Variants in NVL observed in about 807,000 individuals in gnomAD.
NVL encodes nuclear VCP like.
NVL carries 84 observed loss-of-function variants against 110.2 expected under a neutral mutation model. The observed-to-expected ratio is 0.76, with a 90% CI of 0.64 to 0.91. The LOEUF (loss-of-function observed/expected upper bound fraction) is 0.91, where lower values mean the gene tolerates loss of function less well. Ranked by LOEUF, NVL falls within the 40% of genes least tolerant of loss-of-function variation. The pLI, the probability that NVL is intolerant of heterozygous loss-of-function variation, is 0.00. For missense variants in NVL, 882 were observed against 1,035.9 expected (o/e 0.85, Z 2.04); for synonymous variants, 354 against 361.1 (o/e 0.98, Z 0.22).
intron 22 of NVL, chr1:224,227,945 A>G: frequency 5.3e-6 from 1 of 188,472 alleles, no homozygotes; most frequent in Non-Finnish European, 1.1e-5. Context: ...AGGCGCTGGG[A>G]GAAGACAGCC....
At chr1:224,242,533 C>G (rs1019957724) in intron 19 of NVL, among the ~76,000 whole-genome samples, 2 of 132,992 alleles carry the variant, frequency 1.5e-5, no homozygotes, top group Admixed American at 8.9e-5. Context: ...TATGCCCAGG[C>G]TGTGCAGTGG....
intron 1 of NVL, among the ~76,000 whole-genome samples, chr1:224,329,134 C>G (rs1293001447): frequency 6.6e-6 from 1 of 152,054 alleles, no homozygotes; most frequent in Non-Finnish European, 1.5e-5. Flanking sequence ...TCACTTGAGT[C>G]AGGGAGGCCG....
chr1:224,297,051 A>G (rs1401400251), intron 10 of NVL, among the ~76,000 whole-genome samples: 2 of 152,242 alleles, frequency 1.3e-5, no homozygotes, highest in African/African-American at 4.8e-5. Flanking sequence ...TACTAACGTA[A>G]GAATCTCCAA....
intron 18 of NVL, among the ~76,000 whole-genome samples, chr1:224,254,927 C>T (rs1348628564): frequency 7.2e-6 from 1 of 138,160 alleles, no homozygotes; most frequent in Non-Finnish European, 1.5e-5. Flanking sequence ...GGCTGGAGTA[C>T]AGTGGCATGA....
intron 18 of NVL, among the ~76,000 whole-genome samples, chr1:224,261,795 GT>G (rs111734612): frequency 8.4e-4 from 120 of 143,094 alleles, no homozygotes; most frequent in East Asian, 1.2e-3. Flanking sequence ...CTACAAAAAA[GT>G]TTTTTTTTTT....
intron 8 of NVL, among the ~76,000 whole-genome samples, chr1:224,304,095 T>C (rs1431265201): frequency 2.0e-5 from 3 of 152,150 alleles, no homozygotes; most frequent in East Asian, 3.8e-4. Context: ...CAAAGTTAAC[T>C]AGCATGGCAG....
intron 12 of NVL, among the ~76,000 whole-genome samples, chr1:224,292,712 C>T (rs1035269733): frequency 1.3e-5 from 2 of 152,114 alleles, no homozygotes; most frequent in African/African-American, 4.8e-5. Flanking sequence ...TGTTCCTGGA[C>T]CTCACCAGGA....
intron 17 of NVL, among the ~76,000 whole-genome samples, chr1:224,271,087 G>C (rs1030766271): frequency 6.6e-6 from 1 of 152,138 alleles, no homozygotes; most frequent in Admixed American, 6.5e-5. Flanking sequence ...CAATCTAAAT[G>C]TCCAAAACAG....
At chr1:224,238,185 C>CG (rs1660736490) in intron 19 of NVL, among the ~76,000 whole-genome samples, 1 of 11,638 alleles carries the variant, frequency 8.6e-5, no homozygotes, top group Non-Finnish European at 2.6e-4. Flanking sequence ...AGGCACCCAC[C>CG]ACACACCTGG....
intron 22 of NVL, 130 bp downstream of exon 22, chr1:224,231,096 G>T: frequency 1.6e-6 from 1 of 611,718 alleles, no homozygotes; most frequent in Admixed American, 2.6e-5. Flanking sequence ...TCGCACCACT[G>T]CACTCCAGCA....
chr1:224,326,683 AT>A (rs953513596), intron 1 of NVL, among the ~76,000 whole-genome samples: 6 of 152,250 alleles, frequency 3.9e-5, no homozygotes, highest in African/African-American at 1.4e-4. Context: ...ACTAATAATT[AT>A]CAGAATAGTT....
chr1:224,314,452 C>A (rs10799561), intron 4 of NVL, among the ~76,000 whole-genome samples: 150,649 of 152,334 alleles, frequency 0.99, 74,516 homozygotes, highest in Non-Finnish European at 1. Context: ...CATTATGCCA[C>A]CAAATTCCAC....
intron 19 of NVL, among the ~76,000 whole-genome samples, chr1:224,248,975 A>G (rs1662164225): frequency 6.6e-6 from 1 of 152,208 alleles, no homozygotes; most frequent in Non-Finnish European, 1.5e-5. Flanking sequence ...GAGCGGGTCC[A>G]GGTACAAGTG....
Position 224,303,708 on chromosome 1 carries a change from G to A in NVL, c.960+15C>T, listed in dbSNP as rs1255170422. 2 of 1,593,782 alleles carry A rather than the reference G, an allele frequency of 1.3e-6. No individual in the cohort carries two copies. The highest frequency in any genetic ancestry group is 1.7e-6 in the Non-Finnish European group (2 of 1,170,542). ...ACAAAAACAGCAAAAGCAAACAAAT[G>A]TCAGCAAGCCTCACCCCAGCAATTG... On this transcript the variant is annotated intron_variant, in intron 9 of 22. Transcript: ENST00000281701.
At position 224,253,593 on chromosome 1, in the gene NVL, C is replaced by T. The variant is rs529063516; in HGVS notation, c.2183-3275G>A. 1.7e-3 allele frequency among the ~76,000 whole-genome samples: 261 copies of T among 151,408 alleles called. 2 individuals carry two copies. The highest frequency in any genetic ancestry group is 5.3e-3 in the African/African-American group (218 of 41,366). On this transcript the variant is annotated intron_variant, in intron 18 of 22. Coordinates refer to ENST00000281701, the MANE Select transcript of NVL (RefSeq NM_002533.4). The stretch of plus-strand genomic sequence containing the variant: ...ACTAAAAATACAAAAATTAGCTAGG[C>T]GTGGTGGCACATGCCTGTAATCTCA...
intron 10 of NVL, among the ~76,000 whole-genome samples, chr1:224,298,086 C>T (rs1027741389): frequency 6.6e-6 from 1 of 151,698 alleles, no homozygotes; most frequent in Non-Finnish European, 1.5e-5. Flanking sequence ...TGCCTGTAAT[C>T]CCAGCTATTT....
At chr1:224,300,741 T>A in intron 9 of NVL, 78 bp from the exon 10 acceptor site, 3 of 999,720 alleles carry the variant, frequency 3.0e-6, no homozygotes, top group Non-Finnish European at 4.5e-6. Flanking sequence ...CCCCTCAAAT[T>A]TTTTAAATAG....
At chr1:224,320,646 CA>C (rs776623845) in intron 2 of NVL, among the ~76,000 whole-genome samples, 63 of 130,524 alleles carry the variant, frequency 4.8e-4, no homozygotes, top group Middle Eastern at 3.9e-3. Context: ...GACTCCATCT[CA>C]AAAAAAAAAA....
intron 12 of NVL, among the ~76,000 whole-genome samples, chr1:224,291,789 C>T (rs891651241): frequency 3.3e-5 from 5 of 152,128 alleles, no homozygotes; most frequent in South Asian, 2.1e-4. Context: ...GGGGACTATC[C>T]GTACTAAGAA....
Sources: gnomAD v4.1 joint callset for allele counts (sites outside exome capture counted in the v4.1 genomes callset) on GRCh38, gnomAD v4.1.1 for gene constraint, MANE v1.5 for transcripts, NCBI Gene and HGNC (gene_info 2026-07-23, HGNC 2026-07-21) for gene names.